The following LSAMP variants were observed in gnomAD, a reference collection of about 807,000 sequenced individuals.
The protein encoded by LSAMP is limbic system associated membrane protein.
Under a neutral mutation model 38.6 loss-of-function variants are expected in LSAMP, and 7 were observed. That is an observed-to-expected ratio of 0.18 (90% CI 0.10 to 0.34). LSAMP has a LOEUF of 0.34. Ranked by LOEUF, LSAMP falls within the 10% of genes least tolerant of loss-of-function variation. LSAMP has a pLI of 1.00. For synonymous variants in LSAMP, 154 were observed against 166.8 expected (o/e 0.92, Z 0.59); for missense variants, 313 against 420.0 (o/e 0.75, Z 2.23).
chr3:116,089,639 G>A (rs560388851), intron 1 of LSAMP, among the ~76,000 whole-genome samples: 111 of 152,254 alleles, frequency 7.3e-4, no homozygotes, highest in African/African-American at 2.6e-3. Flanking sequence ...TTACAGGCGT[G>A]AGCCACCGTG....
intron 3 of LSAMP, among the ~76,000 whole-genome samples, chr3:115,929,396 G>A (rs891986507): frequency 1.3e-5 from 2 of 151,982 alleles, no homozygotes; most frequent in East Asian, 3.9e-4. Context: ...ACACTACTTT[G>A]ATCCTCAATT....
At chr3:115,988,884 A>C (rs943054384) in intron 3 of LSAMP, among the ~76,000 whole-genome samples, 1 of 152,066 alleles carries the variant, frequency 6.6e-6, no homozygotes, top group Non-Finnish European at 1.5e-5. Context: ...TTGTTATGAC[A>C]GTCTTAACAT....
chr3:116,233,368 G>A lies in LSAMP; in HGVS notation c.156-146812C>T, dbSNP rs541589931. 1.5e-4 allele frequency among the ~76,000 whole-genome samples: 20 copies of A among 136,572 alleles called. 1 individual carries two copies. In the South Asian group the frequency reaches 3.9e-3, roughly 27 times the overall value. 89.6% of individuals were successfully genotyped at this position (136,572 alleles called of 152,430 possible). A position where few individuals can be genotyped will look rare whatever the true frequency, so the allele number is the denominator to read the frequency against. The stretch of plus-strand genomic sequence containing the variant: ...GTGGAGCTTACAGTGAGCTGAGATC[G>A]TGCCACTGCACTCCAGCCTGGGCGA... On this transcript the variant is annotated intron_variant, in intron 1 of 6. Coordinates refer to ENST00000490035, the MANE Select transcript of LSAMP (RefSeq NM_002338.5).
At chr3:115,964,733 G>C (rs895495757) in intron 3 of LSAMP, among the ~76,000 whole-genome samples, 1 of 152,060 alleles carries the variant, frequency 6.6e-6, no homozygotes, top group Non-Finnish European at 1.5e-5. Flanking sequence ...CGCATTTCTA[G>C]ATAGCAGCAA....
chr3:116,398,172 C>T (rs2048793467), intron 1 of LSAMP, among the ~76,000 whole-genome samples: 1 of 151,958 alleles, frequency 6.6e-6, no homozygotes, highest in Non-Finnish European at 1.5e-5. Context: ...ATAATAAAGA[C>T]ATAATTAGGA....
chr3:116,035,013 G>A (rs1435368706), intron 2 of LSAMP, among the ~76,000 whole-genome samples: 2 of 152,198 alleles, frequency 1.3e-5, no homozygotes, highest in African/African-American at 4.8e-5. Context: ...GGCTTTGGGA[G>A]TCAGATCAGG....
chr3:116,346,431 C>T (rs113476203), intron 1 of LSAMP, among the ~76,000 whole-genome samples: 4,276 of 151,730 alleles, frequency 0.028, 92 homozygotes, highest in South Asian at 0.08. Context: ...CAGGCTCAAG[C>T]GATCCTCCCG....
At chr3:116,267,090 G>A (rs374684507) in intron 1 of LSAMP, among the ~76,000 whole-genome samples, 6 of 152,186 alleles carry the variant, frequency 3.9e-5, no homozygotes, top group African/African-American at 1.2e-4. Context: ...CTAAGATCTC[G>A]TGAAACAGAG....
intron 6 of LSAMP, among the ~76,000 whole-genome samples, chr3:115,813,679 G>T (rs1933915966): frequency 6.6e-6 from 1 of 152,162 alleles, no homozygotes; most frequent in South Asian, 2.1e-4. Context: ...ATGGGTGGTA[G>T]TTGGGAAATC....
chr3:116,047,367 T>G (rs1048966336), intron 2 of LSAMP, among the ~76,000 whole-genome samples: 1 of 122,358 alleles, frequency 8.2e-6, no homozygotes, highest in Non-Finnish European at 1.6e-5. Flanking sequence ...AAAATACGAA[T>G]CTAGTCTAAA....
Position 115,807,843 on chromosome 3 carries a change from C to G in LSAMP, c.*2474G>C, listed in dbSNP as rs916674611. On this transcript the variant is annotated 3_prime_UTR_variant, in exon 7 of 7. Transcript: ENST00000490035. ...GCTGCATAGGAATATGGCTCACCTT[C>G]CCTATATTTTACTAGCTACCTTCTT... is the stretch of plus-strand genomic sequence containing the variant. 1 of 152,082 alleles carries G rather than the reference C, an allele frequency of 6.6e-6. No individual in the cohort carries two copies. Among genetic ancestry groups the G allele is most frequent in the African/African-American group, 2.4e-5 (1 of 41,404 alleles). The allele number at this position is 152,082 out of a possible 1,614,324, so 9.4% of individuals were successfully genotyped here.
chr3:116,308,907 T>C (rs185332241), intron 1 of LSAMP, among the ~76,000 whole-genome samples: 2 of 152,222 alleles, frequency 1.3e-5, no homozygotes, highest in South Asian at 2.1e-4. Flanking sequence ...AAAGCTTTGC[T>C]TATTTGAAAG....
At chr3:116,242,444 C>T (rs75526490) in intron 1 of LSAMP, among the ~76,000 whole-genome samples, 6,007 of 152,210 alleles carry the variant, frequency 0.039, 156 homozygotes, top group African/African-American at 0.079. Context: ...TCCAGCCAGG[C>T]CCAGTTGTCC....
At chr3:116,008,205 A>C (rs914289197) in intron 3 of LSAMP, among the ~76,000 whole-genome samples, 9 of 152,190 alleles carry the variant, frequency 5.9e-5, no homozygotes, top group African/African-American at 2.2e-4. Flanking sequence ...AGGCAAATCA[A>C]CGTTTATGGT....
At chr3:116,058,551 C>T (rs539892490) in intron 2 of LSAMP, among the ~76,000 whole-genome samples, 2 of 151,780 alleles carry the variant, frequency 1.3e-5, no homozygotes, top group Non-Finnish European at 2.9e-5. Context: ...GAAGTTAATC[C>T]CCAAGTCAAA....
At chr3:116,227,993 A>G (rs925633262) in intron 1 of LSAMP, among the ~76,000 whole-genome samples, 1 of 152,164 alleles carries the variant, frequency 6.6e-6, no homozygotes, top group African/African-American at 2.4e-5. Context: ...TAGTGACCAC[A>G]GTCTGAGTAT....
At chr3:116,192,160 T>C (rs1710768665) in intron 1 of LSAMP, among the ~76,000 whole-genome samples, 1 of 152,256 alleles carries the variant, frequency 6.6e-6, no homozygotes, top group Non-Finnish European at 1.5e-5. Flanking sequence ...GGAACAGATG[T>C]CATTGTATTG....
chr3:115,885,280 A>G (rs542041302), intron 3 of LSAMP, among the ~76,000 whole-genome samples: 1 of 152,042 alleles, frequency 6.6e-6, no homozygotes, highest in South Asian at 2.1e-4. Flanking sequence ...TTTATACACA[A>G]CAGAAGCTAT....
chr3:115,853,896 T>C lies in LSAMP; in HGVS notation c.515-1279A>G, dbSNP rs77156681. On this transcript the variant is annotated intron_variant, in intron 3 of 6. Coordinates refer to ENST00000490035, the MANE Select transcript of LSAMP (RefSeq NM_002338.5). ...CCAGTCATTAGCTCTGCTCAAATGC[T>C]ATAAGCTGTTTTCCTTTTTTTGGGA... 4.6e-3 allele frequency among the ~76,000 whole-genome samples: 701 copies of C among 152,346 alleles called. 4 individuals are homozygous for C. Among genetic ancestry groups the C allele is most frequent in the African/African-American group, 0.015 (623 of 41,562 alleles).
Sources: gnomAD v4.1 joint callset for allele counts (sites outside exome capture counted in the v4.1 genomes callset) on GRCh38, gnomAD v4.1.1 for gene constraint, MANE v1.5 for transcripts, NCBI Gene and HGNC (gene_info 2026-07-23, HGNC 2026-07-21) for gene names.